LARP4B: variants seen among roughly 807,000 people sequenced by gnomAD.
LARP4B encodes the protein La ribonucleoprotein 4B.
A neutral mutation model predicts 89.8 loss-of-function variants in LARP4B; 12 were observed. The observed-to-expected ratio is 0.13, with a 90% CI of 0.09 to 0.22. LARP4B has a LOEUF of 0.22. Among genes scored for constraint, LARP4B ranks in the 10% least tolerant of loss-of-function variants. The pLI, the probability that LARP4B is intolerant of heterozygous loss-of-function variation, is 1.00. For synonymous variants in LARP4B, 367 were observed against 363.3 expected, an observed-to-expected ratio of 1.01 and a Z score of -0.12; for missense variants, 757 against 947.7, an observed-to-expected ratio of 0.80 and a Z score of 2.64.
chr10:952,552 A>G, the LARP4B span, among the ~76,000 whole-genome samples: 3 of 102,766 alleles, frequency 2.9e-5, no homozygotes, highest in South Asian at 8.0e-4. Context: ...AACCAACTGC[A>G]TAAAAGACAA....
chr10:867,862 GAAAAAAAAAAAAAAA>G (rs903762145), intron 3 of LARP4B, among the ~76,000 whole-genome samples: 1 of 43,356 alleles, frequency 2.3e-5, no homozygotes, highest in African/African-American at 9.1e-5. Flanking sequence ...CTCCATCCTT[GAAAAAAAAAAAAAAA>G]AAAAAAAAAC....
intron 7 of LARP4B, among the ~76,000 whole-genome samples, chr10:837,745 C>T (rs765246884): frequency 6.6e-6 from 1 of 152,150 alleles, no homozygotes; most frequent in African/African-American, 2.4e-5. Flanking sequence ...CAAACATCAG[C>T]ACAAAATAGA....
chr10:853,334 A>G (rs1834146372), intron 5 of LARP4B, among the ~76,000 whole-genome samples: 2 of 152,208 alleles, frequency 1.3e-5, no homozygotes, highest in Non-Finnish European at 2.9e-5. Flanking sequence ...TTGTATATTT[A>G]ATGTGAGATA....
intron 4 of LARP4B, 74 bp from the exon 5 acceptor site, chr10:863,957 C>A (rs937518684): frequency 7.7e-6 from 12 of 1,565,884 alleles, no homozygotes; most frequent in Admixed American, 1.9e-5. Context: ...CTTACACTTG[C>A]AGTGACTCAA....
At chr10:863,514 C>A (rs1034518298) in intron 5 of LARP4B, among the ~76,000 whole-genome samples, 1 of 152,076 alleles carries the variant, frequency 6.6e-6, no homozygotes, top group South Asian at 2.1e-4. Flanking sequence ...CAGGCGTGAG[C>A]CCCCGCGCCC....
the LARP4B span, among the ~76,000 whole-genome samples, chr10:943,927 G>A: frequency 1.3e-5 from 2 of 152,168 alleles, no homozygotes; most frequent in African/African-American, 4.8e-5. Context: ...GCTCACTGCA[G>A]CCTCAGCGGG....
intron 13 of LARP4B, among the ~76,000 whole-genome samples, chr10:821,537 T>C (rs1240607877): frequency 6.6e-6 from 1 of 152,200 alleles, no homozygotes; most frequent in Non-Finnish European, 1.5e-5. Flanking sequence ...GGCCAAGACA[T>C]TCCCATTTCC....
rs1305647060 is a variant in LARP4B, at chr10:863,725, C to T, written c.430+18G>A. 1 of 1,578,740 alleles carries T rather than the reference C, an allele frequency of 6.3e-7. No homozygotes were observed. The highest frequency in any genetic ancestry group is 8.6e-7 in the Non-Finnish European group (1 of 1,164,544). On this transcript the variant is annotated intron_variant, in intron 5 of 17. Transcript: ENST00000316157. ...AGCCCATATTCCCTGGGAAAATGCACCCATAAGATATGTTTACCTGTCTCG... is the reference window on the plus strand; with the variant it reads ...AGCCCATATTCCCTGGGAAAATGCATCCATAAGATATGTTTACCTGTCTCG...
At chr10:927,742 GA>G (rs1165968226) in intron 1 of LARP4B, among the ~76,000 whole-genome samples, 1 of 152,190 alleles carries the variant, frequency 6.6e-6, no homozygotes, top group Non-Finnish European at 1.5e-5. Flanking sequence ...CCAAAAACAT[GA>G]CTTCAGTGTT....
chr10:829,380 C>T lies in LARP4B; in HGVS notation c.1125+5G>A. The T allele has an allele frequency of 1.3e-6, 2 of 1,577,476 alleles. No homozygotes were observed. Among genetic ancestry groups the T allele is most frequent in the Non-Finnish European group, 1.7e-6 (2 of 1,161,122 alleles). On this transcript the variant is annotated splice_donor_5th_base_variant and intron_variant, in intron 11 of 17. Transcript: ENST00000316157. ...ACATAAATTCCTAGTAAAGAAATGA[C>T]GTACCAAGGGTGGGTCAAGATAGCT...
At chr10:867,382 C>T (rs148246990) in intron 3 of LARP4B, among the ~76,000 whole-genome samples, 1 of 152,190 alleles carries the variant, frequency 6.6e-6, no homozygotes, top group East Asian at 1.9e-4. Context: ...CCCATAAAAA[C>T]GATGGTAATT....
At chr10:904,778 A>T (rs1267962404) in intron 1 of LARP4B, among the ~76,000 whole-genome samples, 2 of 152,114 alleles carry the variant, frequency 1.3e-5, no homozygotes, top group Non-Finnish European at 2.9e-5. Context: ...TCCTCACTGT[A>T]TTAATGCTAT....
At chr10:898,757 C>T (rs1226789462) in intron 1 of LARP4B, among the ~76,000 whole-genome samples, 1 of 152,198 alleles carries the variant, frequency 6.6e-6, no homozygotes, top group Non-Finnish European at 1.5e-5. Flanking sequence ...CTCCACGTTA[C>T]CAAATAAACT....
At chr10:950,880 G>T in the LARP4B span, among the ~76,000 whole-genome samples, 4 of 141,918 alleles carry the variant, frequency 2.8e-5, no homozygotes, top group Middle Eastern at 3.6e-3. Flanking sequence ...TTGTAGGAGG[G>T]TTTTTTTTTT....
the LARP4B span, among the ~76,000 whole-genome samples, chr10:970,367 G>A: frequency 6.6e-6 from 1 of 152,292 alleles, no homozygotes; most frequent in Non-Finnish European, 1.5e-5. Flanking sequence ...TCTTTCAGGG[G>A]CGTTTTAAGG....
At chr10:818,979 C>G (rs1832204097) in intron 14 of LARP4B, 2 of 152,252 alleles carry the variant, frequency 1.3e-5, no homozygotes, top group Admixed American at 1.3e-4. Context: ...GGGCATTCCG[C>G]TTGCTTCTCT....
chr10:941,524 G>A, the LARP4B span, among the ~76,000 whole-genome samples: 1,606 of 152,216 alleles, frequency 0.011, 27 homozygotes, highest in African/African-American at 0.036. Context: ...GTCTCACCAT[G>A]TTGGCCAGTC....
chr10:958,370 C>T, the LARP4B span, among the ~76,000 whole-genome samples: 14 of 152,328 alleles, frequency 9.2e-5, no homozygotes, highest in South Asian at 8.3e-4. Flanking sequence ...TTGTTCCTCA[C>T]GCTCAGTGCC....
chr10:949,518 C>T, the LARP4B span, among the ~76,000 whole-genome samples: 2 of 152,112 alleles, frequency 1.3e-5, no homozygotes, highest in Non-Finnish European at 2.9e-5. Context: ...GGTGAGTGAC[C>T]TCCAACCCGT....
Sources: gnomAD v4.1 joint callset for allele counts (sites outside exome capture counted in the v4.1 genomes callset) on GRCh38, gnomAD v4.1.1 for gene constraint, MANE v1.5 for transcripts, NCBI Gene and HGNC (gene_info 2026-07-23, HGNC 2026-07-21) for gene names.